Variants in SH3GLB2 observed in about 807,000 individuals in gnomAD.
The protein encoded by SH3GLB2 is SH3 domain containing GRB2 like, endophilin B2, also known as endophilin-B2.
A neutral mutation model predicts 48.0 loss-of-function variants in SH3GLB2; 24 were observed. That is an observed-to-expected ratio of 0.50 (90% CI 0.36 to 0.70). SH3GLB2 has a LOEUF of 0.70. Ranked by LOEUF, SH3GLB2 falls within the 30% of genes least tolerant of loss-of-function variation. The pLI, the probability that SH3GLB2 is intolerant of heterozygous loss-of-function variation, is 0.00. For synonymous variants in SH3GLB2, 227 were observed against 207.6 expected (o/e 1.09, Z -0.80); for missense variants, 425 against 516.0 (o/e 0.82, Z 1.71).
intron 1 of SH3GLB2, among the ~76,000 whole-genome samples, chr9:129,026,736 G>A (rs7874342): frequency 0.014 from 2,157 of 152,298 alleles, 55 homozygotes; most frequent in African/African-American, 0.05. Context: ...TCCCAGATGT[G>A]GGAGATAGTG....
rs998663408 is a variant in SH3GLB2 at position 129,014,663 on chromosome 9, G to A, written c.468+108C>T. On this transcript the variant is annotated intron_variant, in intron 4 of 10. Coordinates refer to ENST00000372564, the MANE Select transcript of SH3GLB2 (RefSeq NM_020145.4). The surrounding 1 kb of genome is among the most constrained non-coding windows in gnomAD (Gnocchi z 4.1). ...GTCCAAAGGAGCCCTCTCTGGGGAG[G>A]CCTCAGGAGTTTTGTAGCCCCAGCA... 6.6e-7 allele frequency: 1 copy of A among 1,523,964 alleles called. No individual in the cohort carries two copies. The highest frequency in any genetic ancestry group is 1.2e-5 in the South Asian group (1 of 81,542). The allele number at this position is 1,523,964 out of a possible 1,614,324, so 94.4% of individuals were successfully genotyped here. A position where few individuals can be genotyped will look rare whatever the true frequency, so the allele number is the denominator to read the frequency against.
At chr9:129,012,174 A>G in intron 6 of SH3GLB2, 62 bp downstream of exon 6, 1 of 733,242 alleles carries the variant, frequency 1.4e-6, no homozygotes, top group Non-Finnish European at 1.6e-6. Flanking sequence ...AGTCAGAGGC[A>G]GTGGTGTGGG....
intron 3 of SH3GLB2, among the ~76,000 whole-genome samples, chr9:129,018,881 G>C (rs1053909431): frequency 6.8e-6 from 1 of 146,650 alleles, no homozygotes; most frequent in Non-Finnish European, 1.5e-5. Context: ...GACAGAGTGA[G>C]ACTCCATCTC....
intron 1 of SH3GLB2, among the ~76,000 whole-genome samples, chr9:129,022,727 C>T (rs948345035): frequency 2.6e-5 from 4 of 152,208 alleles, no homozygotes; most frequent in African/African-American, 7.2e-5. Context: ...CAGCTTAGTG[C>T]GGTGAGGAAC....
At chr9:129,012,051 G>C in intron 6 of SH3GLB2, 185 bp downstream of exon 6, 1 of 406,680 alleles carries the variant, frequency 2.5e-6, no homozygotes, top group Non-Finnish European at 4.3e-6. Flanking sequence ...CAGGGCACCG[G>C]GGCCAGGCCG....
chr9:129,015,073 A>C (rs1016504810), intron 3 of SH3GLB2, among the ~76,000 whole-genome samples, 169 bp from the exon 4 acceptor site: 3 of 152,180 alleles, frequency 2.0e-5, no homozygotes, highest in Non-Finnish European at 2.9e-5. Context: ...ATCAACTGGG[A>C]ACTAACAAAT....
Position 129,014,107 on chromosome 9 carries a change from A to C in SH3GLB2, c.561+304T>G. 1.6e-6 allele frequency: 1 copy of C among 611,230 alleles called. No homozygotes were observed. Among genetic ancestry groups the C allele is most frequent in the Non-Finnish European group, 3.1e-6 (1 of 326,986 alleles). 37.9% of individuals were successfully genotyped at this position (611,230 alleles called of 1,614,324 possible). On this transcript the variant is annotated intron_variant, in intron 5 of 10. Transcript: ENST00000372564. The surrounding 1 kb of genome is among the most constrained non-coding windows in gnomAD (Gnocchi z 4.1). Reference sequence around the variant, plus strand: ...GGCAGAGCCGGGGACAGAGCCGAGCATCTAGGAGGGCAGGGCAGGGCATGC... The same window carrying C: ...GGCAGAGCCGGGGACAGAGCCGAGCCTCTAGGAGGGCAGGGCAGGGCATGC...
At chr9:129,027,629 C>A (rs1260889707) in intron 1 of SH3GLB2, among the ~76,000 whole-genome samples, 1 of 152,208 alleles carries the variant, frequency 6.6e-6, no homozygotes, top group Non-Finnish European at 1.5e-5. Context: ...GTGAAATGGC[C>A]ATGAGGGACT....
At chr9:129,026,880 G>A (rs1017333826) in intron 1 of SH3GLB2, among the ~76,000 whole-genome samples, 2 of 152,224 alleles carry the variant, frequency 1.3e-5, no homozygotes, top group Non-Finnish European at 2.9e-5. Context: ...ACATTAAGCA[G>A]TGAATTCTCG....
chr9:129,022,314 C>T lies in SH3GLB2; in HGVS notation c.173G>A (p.Arg58Lys). The T allele has an allele frequency of 5.0e-6, 8 of 1,614,150 alleles. No individual in the cohort carries two copies. The highest frequency in any genetic ancestry group is 6.8e-6 in the Non-Finnish European group (8 of 1,180,040). ...GGGCTGCAGCAGCACCTCTGTCTGC[C>T]TCAAGATCTTCTCTGTCCAGTTCTT... Reference protein sequence around the residue: ...STKNWTEKILRQTEVLLQPNP... With the variant: ...STKNWTEKILKQTEVLLQPNP... The change falls in exon 2 of 11, where the codon AGG becomes AAG. Residue 58 changes from arginine to lysine, a missense_variant. By Grantham distance (26) the Arg-to-Lys change is conservative (BLOSUM62 2). Coordinates refer to ENST00000372564, the MANE Select transcript of SH3GLB2 (RefSeq NM_020145.4).
At chr9:129,010,406 C>T in intron 7 of SH3GLB2, 197 bp from the exon 8 acceptor site, 2 of 639,986 alleles carry the variant, frequency 3.1e-6, no homozygotes, top group South Asian at 3.9e-5. Context: ...CCACAGGCAG[C>T]TGCAGTGACA....
rs775177312 is a variant in SH3GLB2 at position 129,012,229 on chromosome 9, C to T, written c.624+7G>A. On this transcript the variant is annotated splice_region_variant and intron_variant, in intron 6 of 10. Transcript: ENST00000372564. ...CGAGGGGTGGGGTGGGGGTGGGGTG[C>T]GCTTACCGCGGAGGCGCTGGCCGAG... The T allele has an allele frequency of 9.4e-6, 12 of 1,276,224 alleles. No individual in the cohort carries two copies. The highest frequency in any genetic ancestry group is 4.0e-5 in the Admixed American group (1 of 25,096). 79.1% of individuals were successfully genotyped at this position (1,276,224 alleles called of 1,614,324 possible).
rs1163927701 is a variant in SH3GLB2, at chr9:129,008,127, TGCG to T, written c.*554_*556del. On this transcript the variant is annotated 3_prime_UTR_variant, in exon 11 of 11. Transcript: ENST00000372564. The stretch of plus-strand genomic sequence containing the variant: ...AAAGTGAGTGTGGAGAGGTGAAGAC[TGCG>T]GCCGCTGGACTTGGCTTGAGCTGTG... 1 of 156,246 alleles carries T rather than the reference TGCG, an allele frequency of 6.4e-6. No homozygotes were observed. Among genetic ancestry groups the T allele is most frequent in the Non-Finnish European group, 1.4e-5 (1 of 70,592 alleles). 9.7% of individuals were successfully genotyped at this position (156,246 alleles called of 1,614,324 possible). A position where few individuals can be genotyped will look rare whatever the true frequency, so the allele number is the denominator to read the frequency against.
intron 3 of SH3GLB2, among the ~76,000 whole-genome samples, chr9:129,019,443 C>T (rs1259212395): frequency 2.0e-5 from 3 of 151,522 alleles, no homozygotes; most frequent in East Asian, 1.9e-4. Context: ...CAGTTGCTCA[C>T]GCCTGTTATC....
intron 10 of SH3GLB2, 23 bp from the exon 11 acceptor site, chr9:129,008,814 C>T (rs1441128274): frequency 1.2e-5 from 19 of 1,604,846 alleles, no homozygotes; most frequent in African/African-American, 8.0e-5. Flanking sequence ...CAGTAGAGGA[C>T]GGTCATGGCC....
At chr9:129,023,453 C>G (rs528748991) in intron 1 of SH3GLB2, among the ~76,000 whole-genome samples, 2 of 152,260 alleles carry the variant, frequency 1.3e-5, no homozygotes, top group East Asian at 3.9e-4. Flanking sequence ...AAGGGCTTGC[C>G]CAAGGTCACA....
Position 129,028,146 on chromosome 9 carries a change from G to T in SH3GLB2, c.9C>A (p.Phe3Leu), listed in dbSNP as rs939121829. Residue 3 changes from phenylalanine (F) to leucine (L), a missense_variant, in exon 1 of 11, where the codon TTC becomes TTA. Physicochemically the swap from Phe to Leu is conservative, Grantham distance 22. Transcript: ENST00000372564. ...CGTCCGACGCCAGCTTCTTCATGTT[G>T]AAGTCCATGGCGTGCCCGCACGGCC... MDFNMKKLASDAG... is the reference protein window; with the variant it reads MDLNMKKLASDAG... The T allele has an allele frequency of 1.3e-6, 2 of 1,490,112 alleles. No homozygotes were observed. Among genetic ancestry groups the T allele is most frequent in the Non-Finnish European group, 1.8e-6 (2 of 1,122,508 alleles). 92.3% of individuals were successfully genotyped at this position (1,490,112 alleles called of 1,614,324 possible).
chr9:129,013,879 GCCTC>G lies in SH3GLB2; in HGVS notation c.561+528_561+531del, dbSNP rs1843264737. ...CCATTGACCCAGCCAGGCTGAACAG[GCCTC>G]AGTGAGCTGGGAGTGAAGGGGGCGC... On this transcript the variant is annotated intron_variant, in intron 5 of 10. Coordinates refer to ENST00000372564, the MANE Select transcript of SH3GLB2 (RefSeq NM_020145.4). 1.9e-5 allele frequency: 7 copies of G among 371,520 alleles called. No individual in the cohort carries two copies. In the Admixed American group the frequency reaches 2.2e-4, roughly 12 times the overall value. 23.0% of individuals were successfully genotyped at this position (371,520 alleles called of 1,614,324 possible).
intron 6 of SH3GLB2, 166 bp from the exon 7 acceptor site, chr9:129,010,859 G>T: frequency 1.3e-6 from 1 of 774,938 alleles, no homozygotes; most frequent in Non-Finnish European, 2.1e-6. Flanking sequence ...CGGCATGGGA[G>T]CTGGGGGCTG....
Sources: gnomAD v4.1 joint callset for allele counts (sites outside exome capture counted in the v4.1 genomes callset) on GRCh38, gnomAD v4.1.1 for gene constraint, Gnocchi (gnomAD v3.1) non-coding constraint, MANE v1.5 for transcripts, NCBI Gene and HGNC (gene_info 2026-07-23, HGNC 2026-07-21) for gene names.